Variants in GFM2 observed in about 807,000 individuals in gnomAD.
GFM2 encodes the protein GTP dependent ribosome recycling factor mitochondrial 2.
Under a neutral mutation model 95.4 loss-of-function variants are expected in GFM2, and 72 were observed. That is an observed-to-expected ratio of 0.76 (90% CI 0.62 to 0.92). The LOEUF is 0.92. Among genes scored for constraint, GFM2 ranks in the 40% least tolerant of loss-of-function variants. The pLI, the probability that GFM2 is intolerant of heterozygous loss-of-function variation, is 0.00. For missense variants in GFM2, 825 were observed against 924.1 expected (o/e 0.89, Z 1.39); for synonymous variants, 276 against 317.5 (o/e 0.87, Z 1.39).
At chr5:74,763,349 ATTAT>A (rs1470228833) in intron 2 of GFM2, among the ~76,000 whole-genome samples, 2 of 152,246 alleles carry the variant, frequency 1.3e-5, no homozygotes, top group South Asian at 2.1e-4. Flanking sequence ...TACAAAGCAC[ATTAT>A]TTGTTAGTAG....
chr5:74,751,663 T>A (rs1000143546), intron 5 of GFM2, among the ~76,000 whole-genome samples, 170 bp from the exon 6 acceptor site: 1 of 152,154 alleles, frequency 6.6e-6, no homozygotes, highest in Non-Finnish European at 1.5e-5. Flanking sequence ...GTAGAAAAAG[T>A]TTTTCAGCTA....
rs1228150492 is a variant in GFM2, at chr5:74,721,684, G to A, written c.2311C>T (p.Leu771=). 4.3e-6 allele frequency: 7 copies of A among 1,613,480 alleles called. No homozygotes were observed. Among genetic ancestry groups the A allele is most frequent in the East Asian group, 2.2e-5 (1 of 44,878 alleles). Residue 771 remains leucine, a synonymous_variant, in exon 21 of 21, where the codon CTG becomes TTG. Transcript: ENST00000296805. ...GTCAAACCACTTCTCCGGTTGAGCAGTGTATTTTGATCTTGAGGATTCATG... is the reference window on the plus strand; with the variant it reads ...GTCAAACCACTTCTCCGGTTGAGCAATGTATTTTGATCTTGAGGATTCATG... ...QAMNPQDQNT[L]LNRRSGLT
intron 5 of GFM2, among the ~76,000 whole-genome samples, chr5:74,752,636 G>GTAA (rs1399702953): frequency 6.6e-6 from 1 of 152,140 alleles, no homozygotes; most frequent in African/African-American, 2.4e-5. Flanking sequence ...TTACACAGTA[G>GTAA]TAAGCATTTT....
Position 74,733,069 on chromosome 5 carries a change from G to C in GFM2, c.1540C>G (p.Arg514Gly). Residue 514 changes from arginine to glycine, a missense_variant, in exon 16 of 21, where the codon CGT (arginine) becomes GGT (glycine). Arg to Gly is a moderately radical substitution (Grantham distance 125, BLOSUM62 -2). Transcript: ENST00000296805. ...CTCACTTTCAAACTGGGATCTTCAC[G>C]CTGAAGACATTTCAACGCATGTTCC... Reference protein sequence around the residue: ...DLEHALKCLQREDPSLKVRLD... With the variant: ...DLEHALKCLQGEDPSLKVRLD... The C allele has an allele frequency of 6.2e-7, 1 of 1,611,342 alleles. No homozygotes were observed. Among genetic ancestry groups the C allele is most frequent in the Non-Finnish European group, 8.5e-7 (1 of 1,178,096 alleles).
At chr5:74,758,776 C>G (rs1445244477) in intron 5 of GFM2, 73 bp downstream of exon 5, 1 of 935,370 alleles carries the variant, frequency 1.1e-6, no homozygotes, top group Non-Finnish European at 1.8e-6. Context: ...TGTAAGTTGA[C>G]TTGTTAACCA....
rs757369852 is a variant in GFM2, at chr5:74,725,957, G to C, written c.1896C>G (p.His632Gln). Reference sequence around the variant, plus strand: ...GTGTCTTACCTTGGAGACATGCGCTGTGAATTCCATTTTCAATGGCCTCTT... The same window carrying C: ...GTGTCTTACCTTGGAGACATGCGCTCTGAATTCCATTTTCAATGGCCTCTT... ...VSQEAIENGIHSACLQGPLLG... is the reference protein window; with the variant it reads ...VSQEAIENGIQSACLQGPLLG... Residue 632 changes from histidine (H) to glutamine (Q), a missense_variant, in exon 18 of 21, where the codon CAC becomes CAG. His to Gln is a conservative substitution (Grantham distance 24). Coordinates refer to ENST00000296805, the MANE Select transcript of GFM2 (RefSeq NM_032380.5). 2.5e-6 allele frequency: 4 copies of C among 1,610,566 alleles called. No homozygotes were observed. In the South Asian group the frequency reaches 4.4e-5, roughly 18 times the overall value.
intron 5 of GFM2, 39 bp downstream of exon 5, chr5:74,758,810 G>T: frequency 8.0e-7 from 1 of 1,250,492 alleles, no homozygotes; most frequent in Non-Finnish European, 1.2e-6. Context: ...TGATGCTTTT[G>T]CTAATGGGGG....
At chr5:74,764,778 G>GTTTTTTTTTTTTTTTTTTTT (rs757160377) in intron 1 of GFM2, among the ~76,000 whole-genome samples, 1 of 70,490 alleles carries the variant, frequency 1.4e-5, no homozygotes, top group African/African-American at 6.4e-5. Flanking sequence ...TCCCTTTGTT[G>GTTTTTTTTTTTTTTTTTTTT]TTTTTTTTTT....
chr5:74,721,300 C>CT lies in GFM2; in HGVS notation c.*354dup. ...TTTTATTGATTGAACCTTTGACCCTCTATCTTATTACATTTAGAGGCCTGG... is the reference window on the plus strand; with the variant it reads ...TTTTATTGATTGAACCTTTGACCCTCTTATCTTATTACATTTAGAGGCCTGG... On this transcript the variant is annotated 3_prime_UTR_variant, in exon 21 of 21. Transcript: ENST00000296805. 1 of 859,506 alleles carries CT rather than the reference C, an allele frequency of 1.2e-6. No homozygotes were observed. The highest frequency in any genetic ancestry group is 2.7e-5 in the East Asian group (1 of 37,634). The allele number at this position is 859,506 out of a possible 1,614,324, so 53.2% of individuals were successfully genotyped here.
chr5:74,728,097 A>G (rs1472698509), intron 17 of GFM2, among the ~76,000 whole-genome samples: 1 of 152,116 alleles, frequency 6.6e-6, no homozygotes, highest in Non-Finnish European at 1.5e-5. Flanking sequence ...GATCATGCCC[A>G]TCGCACCTAT....
chr5:74,756,607 T>C (rs1236451547), intron 5 of GFM2, among the ~76,000 whole-genome samples: 4 of 152,164 alleles, frequency 2.6e-5, no homozygotes, highest in Admixed American at 2.6e-4. Context: ...AATCTCCACA[T>C]TGTTTTGCAC....
At chr5:74,762,191 C>G (rs909355334) in intron 2 of GFM2, among the ~76,000 whole-genome samples, 15 of 152,042 alleles carry the variant, frequency 9.9e-5, no homozygotes, top group African/African-American at 2.9e-4. Context: ...TTAGCAACAA[C>G]AACAAAAAAA....
chr5:74,721,694 A>G lies in GFM2; in HGVS notation c.2301T>C (p.Asp767=). Residue 767 remains aspartate (D), a synonymous_variant, in exon 21 of 21, where the codon GAT becomes GAC. Transcript: ENST00000296805. ...LSTYQAMNPQ[D]QNTLLNRRSG... ...TTCTCCGGTTGAGCAGTGTATTTTG[A>G]TCTTGAGGATTCATGGCTTGATAAG... 6.2e-7 allele frequency: 1 copy of G among 1,613,748 alleles called. No individual in the cohort carries two copies. The highest frequency in any genetic ancestry group is 2.2e-5 in the East Asian group (1 of 44,860).
intron 9 of GFM2, 65 bp from the exon 10 acceptor site, chr5:74,745,922 G>T: frequency 7.4e-7 from 1 of 1,356,360 alleles, no homozygotes. Flanking sequence ...ATGATGACAA[G>T]TCTTTTCTAA....
intron 18 of GFM2, 38 bp from the exon 19 acceptor site, chr5:74,725,793 AT>A (rs775689852): frequency 6.6e-7 from 1 of 1,508,550 alleles, no homozygotes; most frequent in Non-Finnish European, 9.2e-7. Context: ...ACTCTGCTAG[AT>A]GTGAAGTGAG....
chr5:74,753,068 A>C (rs1161858137), intron 5 of GFM2, among the ~76,000 whole-genome samples: 1 of 152,164 alleles, frequency 6.6e-6, no homozygotes, highest in Non-Finnish European at 1.5e-5. Context: ...ACAAAATCTA[A>C]ATTGCCAGAA....
chr5:74,764,332 A>G (rs1405683378), intron 1 of GFM2, among the ~76,000 whole-genome samples: 1 of 152,256 alleles, frequency 6.6e-6, no homozygotes, highest in African/African-American at 2.4e-5. Context: ...CAAAGCTATT[A>G]GAAATATAAG....
chr5:74,761,910 T>C (rs1260087267), intron 2 of GFM2, among the ~76,000 whole-genome samples: 3 of 152,214 alleles, frequency 2.0e-5, no homozygotes, highest in Non-Finnish European at 4.4e-5. Flanking sequence ...ATCTATATTA[T>C]TTCTACATTA....
chr5:74,721,977 G>T (rs1749910463), intron 20 of GFM2, among the ~76,000 whole-genome samples, 194 bp from the exon 21 acceptor site: 1 of 152,178 alleles, frequency 6.6e-6, no homozygotes, highest in African/African-American at 2.4e-5. Context: ...ACAGAAAGCA[G>T]AGTAGTGCAA....
Sources: gnomAD v4.1 joint callset for allele counts (sites outside exome capture counted in the v4.1 genomes callset) on GRCh38, gnomAD v4.1.1 for gene constraint, MANE v1.5 for transcripts, NCBI Gene and HGNC (gene_info 2026-07-23, HGNC 2026-07-21) for gene names.